Variants in SPATA16 observed in about 807,000 individuals in gnomAD.
The protein encoded by SPATA16 is spermatogenesis-associated protein 16.
SPATA16 carries 36 observed loss-of-function variants against 63.3 expected under a neutral mutation model. That is an observed-to-expected ratio of 0.57 (90% CI 0.44 to 0.75). The LOEUF (loss-of-function observed/expected upper bound fraction) is 0.75, where lower values mean the gene tolerates loss of function less well. Among genes scored for constraint, SPATA16 ranks in the 30% least tolerant of loss-of-function variants. The pLI is 0.00. For synonymous variants in SPATA16, 203 were observed against 216.7 expected (o/e 0.94, Z 0.56); for missense variants, 646 against 679.3 (o/e 0.95, Z 0.54).
intron 4 of SPATA16, 34 bp downstream of exon 4, chr3:173,019,452 A>G (rs1279353623): frequency 6.5e-7 from 1 of 1,543,118 alleles, no homozygotes; most frequent in Admixed American, 1.7e-5. Context: ...ATTTGACTTG[A>G]TATAAATCCT....
At chr3:173,073,623 G>T (rs1262226933) in intron 2 of SPATA16, among the ~76,000 whole-genome samples, 1 of 152,234 alleles carries the variant, frequency 6.6e-6, no homozygotes, top group African/African-American at 2.4e-5. Flanking sequence ...GATTTTAGAG[G>T]ATGTATGGAA....
intron 3 of SPATA16, among the ~76,000 whole-genome samples, chr3:173,045,298 AAAT>A (rs1446608957): frequency 7.2e-5 from 11 of 152,062 alleles, no homozygotes; most frequent in Non-Finnish European, 1.3e-4. Context: ...TAGGGCAGAA[AAAT>A]AAACCGAACA....
chr3:173,138,761 T>A (rs1245713773), intron 1 of SPATA16, among the ~76,000 whole-genome samples: 1 of 152,172 alleles, frequency 6.6e-6, no homozygotes, highest in Non-Finnish European at 1.5e-5. Flanking sequence ...CTCATAAAGG[T>A]TAAAGAGACG....
At chr3:173,036,261 C>G (rs1406804613) in intron 3 of SPATA16, among the ~76,000 whole-genome samples, 1 of 152,006 alleles carries the variant, frequency 6.6e-6, no homozygotes, top group Admixed American at 6.6e-5. Context: ...AGGAACACAA[C>G]TGACAGTATA....
chr3:173,051,403 C>A (rs201674997), intron 2 of SPATA16, among the ~76,000 whole-genome samples: 1 of 152,084 alleles, frequency 6.6e-6, no homozygotes, highest in African/African-American at 2.4e-5. Flanking sequence ...GGGGTTTCAC[C>A]GTGTTAGCCA....
intron 4 of SPATA16, among the ~76,000 whole-genome samples, chr3:173,010,898 C>A (rs1735057383): frequency 6.6e-6 from 1 of 152,044 alleles, no homozygotes; most frequent in South Asian, 2.1e-4. Flanking sequence ...AAACCCAACT[C>A]CCCTAGACAG....
At chr3:172,961,177 G>A (rs1733777399) in intron 5 of SPATA16, among the ~76,000 whole-genome samples, 1 of 148,824 alleles carries the variant, frequency 6.7e-6, no homozygotes, top group Non-Finnish European at 1.5e-5. Context: ...TGAACTATGT[G>A]CTTGGTGAAA....
chr3:172,999,614 A>G (rs982598415), intron 4 of SPATA16, among the ~76,000 whole-genome samples: 3 of 152,112 alleles, frequency 2.0e-5, no homozygotes, highest in Admixed American at 6.5e-5. Flanking sequence ...GGGTTTCACC[A>G]TGTTGGTCAG....
At chr3:172,965,083 T>C (rs1733883746) in intron 5 of SPATA16, among the ~76,000 whole-genome samples, 1 of 152,222 alleles carries the variant, frequency 6.6e-6, no homozygotes, top group Non-Finnish European at 1.5e-5. Flanking sequence ...ACCTGTGCGT[T>C]GGCGAAGTGC....
intron 3 of SPATA16, 77 bp downstream of exon 3, chr3:173,048,872 G>A: frequency 6.5e-7 from 1 of 1,530,322 alleles, no homozygotes; most frequent in African/African-American, 1.4e-5. Flanking sequence ...AAGATGGAAG[G>A]TGATCAGGCA....
At chr3:173,106,856 A>G (rs1737632985) in intron 2 of SPATA16, among the ~76,000 whole-genome samples, 2 of 152,072 alleles carry the variant, frequency 1.3e-5, no homozygotes, top group Admixed American at 1.3e-4. Flanking sequence ...CCAAAATCCT[A>G]TCTTTTCCAT....
At chr3:173,101,455 G>T (rs1737492344) in intron 2 of SPATA16, among the ~76,000 whole-genome samples, 1 of 152,148 alleles carries the variant, frequency 6.6e-6, no homozygotes, top group South Asian at 2.1e-4. Flanking sequence ...CTGTCACATG[G>T]AGGTTTTTGT....
intron 3 of SPATA16, among the ~76,000 whole-genome samples, chr3:173,020,768 G>A (rs527740546): frequency 4.3e-4 from 66 of 152,256 alleles, no homozygotes; most frequent in African/African-American, 1.4e-3. Flanking sequence ...GTGAAAGTTC[G>A]AAATGTAGCT....
At chr3:172,971,159 G>T (rs1489845334) in intron 5 of SPATA16, among the ~76,000 whole-genome samples, 2 of 152,154 alleles carry the variant, frequency 1.3e-5, no homozygotes, top group African/African-American at 4.8e-5. Context: ...TCTGAGCACA[G>T]AAATTAATGA....
At chr3:173,076,012 T>C (rs766243604) in intron 2 of SPATA16, among the ~76,000 whole-genome samples, 2 of 152,174 alleles carry the variant, frequency 1.3e-5, no homozygotes, top group Non-Finnish European at 2.9e-5. Flanking sequence ...ATTTGATCAT[T>C]ACAAATGTCA....
At chr3:172,903,504 G>C (rs1732166772) in intron 10 of SPATA16, among the ~76,000 whole-genome samples, 1 of 152,160 alleles carries the variant, frequency 6.6e-6, no homozygotes, top group African/African-American at 2.4e-5. Context: ...GTGCTGTGAT[G>C]GTAAAACTTG....
At chr3:172,948,522 C>G (rs2109614459) in intron 6 of SPATA16, among the ~76,000 whole-genome samples, 1 of 152,164 alleles carries the variant, frequency 6.6e-6, no homozygotes, top group Non-Finnish European at 1.5e-5. Context: ...GGCTGGAGTT[C>G]AGTGCTGTGA....
At chr3:173,117,925 A>G (rs1472044101) in intron 1 of SPATA16, among the ~76,000 whole-genome samples, 176 bp from the exon 2 acceptor site, 1 of 152,220 alleles carries the variant, frequency 6.6e-6, no homozygotes, top group African/African-American at 2.4e-5. Context: ...TGTATGTGTC[A>G]GTCTCAAAAC....
chr3:173,036,023 A>G (rs1368449074), intron 3 of SPATA16, among the ~76,000 whole-genome samples: 1 of 151,222 alleles, frequency 6.6e-6, no homozygotes, highest in Non-Finnish European at 1.5e-5. Context: ...TGGTAGGATG[A>G]TGTAAGAAGT....
Sources: gnomAD v4.1 joint callset for allele counts (sites outside exome capture counted in the v4.1 genomes callset) on GRCh38, gnomAD v4.1.1 for gene constraint, MANE v1.5 for transcripts, NCBI Gene and HGNC (gene_info 2026-07-23, HGNC 2026-07-21) for gene names.